The following PIP5K1C variants were observed in gnomAD, a reference collection of about 807,000 sequenced individuals.
PIP5K1C encodes the protein phosphatidylinositol-4-phosphate 5-kinase type 1 gamma.
Under a neutral mutation model 80.1 loss-of-function variants are expected in PIP5K1C, and 45 were observed. The ratio of observed to expected loss-of-function variants is 0.56; its 90% CI spans 0.44 to 0.72. The LOEUF (loss-of-function observed/expected upper bound fraction) is 0.72, where lower values mean the gene tolerates loss of function less well. Ranked by LOEUF, PIP5K1C falls within the 30% of genes least tolerant of loss-of-function variation. The pLI is 0.00. For synonymous variants in PIP5K1C, 498 were observed against 420.1 expected (o/e 1.19, Z -2.27); for missense variants, 753 against 954.6 (o/e 0.79, Z 2.78).
chr19:3,632,934 C>G lies in PIP5K1C; in HGVS notation c.*233G>C. ...AAATAAGGACTCAAATGCGATTGGC[C>G]GCTCGGGAGGGTGGGTCTCACAGGG... On this transcript the variant is annotated 3_prime_UTR_variant, in exon 18 of 18. Transcript: ENST00000335312. The G allele has an allele frequency of 1.9e-6, 1 of 527,598 alleles. No homozygotes were observed. Among genetic ancestry groups the G allele is most frequent in the Non-Finnish European group, 3.3e-6 (1 of 298,774 alleles). The allele number at this position is 527,598 out of a possible 1,614,324, so 32.7% of individuals were successfully genotyped here.
chr19:3,635,284 C>T (rs910068039), intron 16 of PIP5K1C, among the ~76,000 whole-genome samples: 1 of 152,254 alleles, frequency 6.6e-6, no homozygotes, highest in Non-Finnish European at 1.5e-5. Context: ...CAGGAGCTCA[C>T]GCCTGTCATC....
At chr19:3,650,755 G>A (rs1007670590) in intron 8 of PIP5K1C, among the ~76,000 whole-genome samples, 7 of 152,172 alleles carry the variant, frequency 4.6e-5, no homozygotes, top group African/African-American at 1.7e-4. Flanking sequence ...TTCTGTGGCA[G>A]CCACTTTTTT....
chr19:3,698,811 G>A (rs764954254), intron 1 of PIP5K1C, among the ~76,000 whole-genome samples: 1 of 152,160 alleles, frequency 6.6e-6, no homozygotes, highest in Non-Finnish European at 1.5e-5. Flanking sequence ...GGCGTTGGAG[G>A]AGTGAGGCAA....
intron 1 of PIP5K1C, among the ~76,000 whole-genome samples, chr19:3,681,724 C>T (rs1457564731): frequency 2.0e-5 from 3 of 152,090 alleles, no homozygotes; most frequent in African/African-American, 4.8e-5. Context: ...CAGCAACATT[C>T]GCTCCAGCCT....
chr19:3,680,753 A>G (rs2035566688), intron 1 of PIP5K1C, among the ~76,000 whole-genome samples: 1 of 152,244 alleles, frequency 6.6e-6, no homozygotes, highest in Admixed American at 6.5e-5. Flanking sequence ...GTAAAGGGTC[A>G]GAGGAGATCA....
At position 3,692,688 on chromosome 19, in the gene PIP5K1C, A is replaced by G. The variant is rs2035982895; in HGVS notation, c.94+7609T>C. 6.6e-6 allele frequency among the ~76,000 whole-genome samples: 1 copy of G among 151,560 alleles called. No individual in the cohort carries two copies. The highest frequency in any genetic ancestry group is 2.1e-4 in the South Asian group (1 of 4,796). On this transcript the variant is annotated intron_variant, in intron 1 of 17. Coordinates refer to ENST00000335312, the MANE Select transcript of PIP5K1C (RefSeq NM_012398.3). The surrounding 1 kb of genome is among the most constrained non-coding windows in gnomAD (Gnocchi z 5.2). ...ATCTGTCCTCCCCACAGCAGCCACC[A>G]GGGGGTGCCTGTGAGCTCCTGAGTC... is the stretch of plus-strand genomic sequence containing the variant.
chr19:3,675,462 C>A (rs1384730893), intron 1 of PIP5K1C, among the ~76,000 whole-genome samples: 4 of 152,184 alleles, frequency 2.6e-5, no homozygotes, highest in Admixed American at 6.5e-5. Flanking sequence ...ACTGTCTGTG[C>A]TGTAGAACTG....
intron 1 of PIP5K1C, 49 bp downstream of exon 1, chr19:3,700,248 C>A: frequency 3.8e-6 from 4 of 1,054,544 alleles, no homozygotes; most frequent in Non-Finnish European, 4.7e-6. Context: ...CGACTCTCGG[C>A]GCTCGGACGA....
At position 3,679,452 on chromosome 19, in the gene PIP5K1C, C is replaced by A. The variant is rs2035518646; in HGVS notation, c.95-12099G>T. On this transcript the variant is annotated intron_variant, in intron 1 of 17. Transcript: ENST00000335312. ...CACAGCCACCTTCCTACCCGCCTTG[C>A]ATCCCATTCTATTTCCTCACACTGC... Among the ~76,000 whole-genome samples, 3 of 152,338 alleles carry A rather than the reference C, an allele frequency of 2.0e-5. No homozygotes were observed. The South Asian group carries it at 6.2e-4, about 32-fold the overall frequency.
At chr19:3,677,899 A>AG (rs2035422244) in intron 1 of PIP5K1C, among the ~76,000 whole-genome samples, 1 of 31,556 alleles carries the variant, frequency 3.2e-5, no homozygotes, top group Admixed American at 4.0e-4. Context: ...GGAGGGATGG[A>AG]GGAGGGATGG....
intron 1 of PIP5K1C, chr19:3,668,434 G>C (rs528481552): frequency 6.6e-6 from 1 of 152,422 alleles, no homozygotes; most frequent in Non-Finnish European, 1.5e-5. Flanking sequence ...AAGAGGCTGC[G>C]CTGTGGCTGT....
At chr19:3,691,323 C>A (rs764721390) in intron 1 of PIP5K1C, among the ~76,000 whole-genome samples, 1 of 152,194 alleles carries the variant, frequency 6.6e-6, no homozygotes, top group Non-Finnish European at 1.5e-5. Context: ...TTTACGACAT[C>A]TTGGGGGCCT....
intron 1 of PIP5K1C, among the ~76,000 whole-genome samples, chr19:3,679,135 C>G (rs546892465): frequency 1.3e-5 from 2 of 152,170 alleles, no homozygotes; most frequent in East Asian, 3.9e-4. Context: ...CCCTTTCCCC[C>G]AGGGGAAAGG....
intron 1 of PIP5K1C, among the ~76,000 whole-genome samples, chr19:3,698,690 T>A (rs2036200218): frequency 6.6e-6 from 1 of 151,848 alleles, no homozygotes; most frequent in Non-Finnish European, 1.5e-5. Flanking sequence ...GAAGCCCCAG[T>A]GAGGCATGAA....
chr19:3,662,957 G>C (rs1031758114), intron 3 of PIP5K1C, among the ~76,000 whole-genome samples: 1 of 152,180 alleles, frequency 6.6e-6, no homozygotes, highest in African/African-American at 2.4e-5. Context: ...CGCCTCCTGG[G>C]TTCAAGCTAT....
At chr19:3,671,500 G>A (rs1449658857) in intron 1 of PIP5K1C, among the ~76,000 whole-genome samples, 1 of 152,236 alleles carries the variant, frequency 6.6e-6, no homozygotes, top group Non-Finnish European at 1.5e-5. Flanking sequence ...AGGGGCAGGC[G>A]GCTCGGGCCC....
At chr19:3,647,787 A>G (rs1457029141) in intron 9 of PIP5K1C, among the ~76,000 whole-genome samples, 2 of 152,170 alleles carry the variant, frequency 1.3e-5, no homozygotes, top group African/African-American at 4.8e-5. Flanking sequence ...TCTCTACTAA[A>G]AATACAAAAA....
chr19:3,675,888 G>A (rs146107263), intron 1 of PIP5K1C, among the ~76,000 whole-genome samples: 3 of 152,330 alleles, frequency 2.0e-5, no homozygotes, highest in Non-Finnish European at 2.9e-5. Flanking sequence ...ACATGGCCCC[G>A]TGTCCCCAGG....
intron 1 of PIP5K1C, among the ~76,000 whole-genome samples, chr19:3,695,727 C>T (rs2036082015): frequency 1.4e-5 from 2 of 142,952 alleles, no homozygotes; most frequent in South Asian, 4.6e-4. Flanking sequence ...ATCCCACTGA[C>T]CCTTTTTTTT....
Sources: allele counts gnomAD v4.1 joint callset (sites outside exome capture counted in the v4.1 genomes callset), GRCh38; gene constraint gnomAD v4.1.1; non-coding constraint Gnocchi (gnomAD v3.1); transcripts MANE v1.5; gene names NCBI Gene and HGNC (gene_info 2026-07-23, HGNC 2026-07-21).